DCLRE1C: variants seen among roughly 807,000 people sequenced by gnomAD.
DCLRE1C encodes protein artemis.
DCLRE1C carries 47 observed loss-of-function variants against 61.4 expected under a neutral mutation model. That is an observed-to-expected ratio of 0.77 (90% CI 0.61 to 0.98). The LOEUF is 0.98. DCLRE1C is among the 50% of genes least tolerant of loss of function. The probability of loss-of-function intolerance (pLI) is 0.00; values close to 1 mark genes in which losing one functional copy is unlikely to be tolerated. For synonymous variants in DCLRE1C, 337 were observed against 287.6 expected, an observed-to-expected ratio of 1.17 and a Z score of -1.74; for missense variants, 858 against 816.0, an observed-to-expected ratio of 1.05 and a Z score of -0.63.
Position 14,908,642 on chromosome 10 carries a change from A to T in DCLRE1C, c.1845T>A (p.Val615=), listed in dbSNP as rs962885677. 1 of 1,614,154 alleles carries T rather than the reference A, an allele frequency of 6.2e-7. No homozygotes were observed. The highest frequency in any genetic ancestry group is 2.2e-5 in the East Asian group (1 of 44,876). ...GAGTAGTTGGTTCTCCAGTACTAGG[A>T]ACTATTGTCACATCTTTATCTCTGC... ...LKSRDKDVTI[V]PSTGEPTTLS... The change falls in exon 14 of 14, where the codon GTT becomes GTA. Residue 615 remains valine, a synonymous_variant. Transcript: ENST00000378278.
rs1472378025 is a variant in DCLRE1C at position 14,907,707 on chromosome 10, C to T, written c.*701G>A. On this transcript the variant is annotated 3_prime_UTR_variant, in exon 14 of 14. Coordinates refer to ENST00000378278, the MANE Select transcript of DCLRE1C (RefSeq NM_001033855.3). ...TACATGGTTTTTCCATCCTTTTAAC[C>T]TATCAATCACTTGAATTGACTTTCT... is the stretch of plus-strand genomic sequence containing the variant. 8.5e-5 allele frequency among the ~76,000 whole-genome samples: 13 copies of T among 152,100 alleles called. No individual in the cohort carries two copies. The highest frequency in any genetic ancestry group is 2.7e-4 in the African/African-American group (11 of 41,400).
chr10:14,907,142 G>C lies in DCLRE1C; in HGVS notation c.*1266C>G, dbSNP rs1364053998. The stretch of plus-strand genomic sequence containing the variant: ...TGGGATTGCAGGCAGGAGTTACTGT[G>C]CCTGGCCACCATTTAATTCTTGAGC... On this transcript the variant is annotated 3_prime_UTR_variant, in exon 14 of 14. Coordinates refer to ENST00000378278, the MANE Select transcript of DCLRE1C (RefSeq NM_001033855.3). Among the ~76,000 whole-genome samples the C allele has an allele frequency of 6.6e-6, 1 of 151,954 alleles. No individual in the cohort carries two copies.
chr10:14,932,630 C>A (rs1839213874), intron 9 of DCLRE1C, among the ~76,000 whole-genome samples: 1 of 150,622 alleles, frequency 6.6e-6, no homozygotes, highest in Non-Finnish European at 1.5e-5. Flanking sequence ...AGTGAGACTC[C>A]ATCTCAAAAA....
rs760791470 is a variant in DCLRE1C, at chr10:14,908,830, T to C, written c.1657A>G (p.Ser553Gly). The stretch of plus-strand genomic sequence containing the variant: ...GATAACAAAACAGTATCAGATTGGC[T>C]GTCCCAGCCTTGACTTCCTTGTTCT... ...ITEQGSQGWD[S>G]QSDTVLLSSQ... Residue 553 changes from serine (S) to glycine (G), a missense_variant, in exon 14 of 14, where the codon AGC (serine) becomes GGC (glycine). By Grantham distance (56) the Ser-to-Gly change is moderately conservative. Coordinates refer to ENST00000378278, the MANE Select transcript of DCLRE1C (RefSeq NM_001033855.3). 5 of 1,614,250 alleles carry C rather than the reference T, an allele frequency of 3.1e-6. No individual in the cohort carries two copies. In the South Asian group the frequency reaches 5.5e-5, roughly 18 times the overall value.
At position 14,917,139 on chromosome 10, in the gene DCLRE1C, C is replaced by A. The variant is rs965962690; in HGVS notation, c.1156+2599G>T. ...TCTCAAGAAAAGTGCTAAAGCAATT[C>A]AGTGAATTAAGATAGTGTTTCCAAC... is the stretch of plus-strand genomic sequence containing the variant. On this transcript the variant is annotated intron_variant, in intron 13 of 13. Transcript: ENST00000378278. 6.6e-4 allele frequency among the ~76,000 whole-genome samples: 101 copies of A among 152,156 alleles called. 5 individuals carry two copies. Among genetic ancestry groups the A allele is most frequent in the South Asian group, 2.1e-4 (1 of 4,836 alleles).
intron 11 of DCLRE1C, among the ~76,000 whole-genome samples, chr10:14,924,179 TGCTCTCTCTCACTCGCGTGC>T (rs1837576050): frequency 6.6e-6 from 1 of 152,240 alleles, no homozygotes; most frequent in Non-Finnish European, 1.5e-5. Context: ...CGGGAGTGCT[TGCTCTCTCTCACTCGCGTGC>T]GCTCTCTCTC....
chr10:14,954,038 C>A lies in DCLRE1C; in HGVS notation c.-28G>T, dbSNP rs377430869. ...CGCCGCCGATCCCAGAGTCCGGGAC[C>A]CCAAAACCGCAGCTGAAGCCAAGGC... On this transcript the variant is annotated 5_prime_UTR_variant, in exon 1 of 14. Transcript: ENST00000378278. The A allele has an allele frequency of 1.2e-6, 2 of 1,613,570 alleles. No individual in the cohort carries two copies. Among genetic ancestry groups the A allele is most frequent in the Middle Eastern group, 1.6e-4 (1 of 6,062 alleles).
downstream of DCLRE1C, chr10:14,900,986 C>T: frequency 2.1e-6 from 2 of 959,804 alleles, no homozygotes; most frequent in Non-Finnish European, 1.5e-6. Flanking sequence ...TTTAAATGTG[C>T]ATGCCTCAAA....
intron 13 of DCLRE1C, among the ~76,000 whole-genome samples, chr10:14,918,397 T>C (rs1301542098): frequency 6.6e-6 from 1 of 152,212 alleles, no homozygotes; most frequent in East Asian, 1.9e-4. Context: ...TCTATTTATA[T>C]GAAATTCTAG....
chr10:14,920,484 C>G, intron 12 of DCLRE1C: 1 of 966,596 alleles, frequency 1.0e-6, no homozygotes, highest in South Asian at 4.7e-5. Flanking sequence ...AGGTGCCCAA[C>G]CTGAAACTTC....
intron 2 of DCLRE1C, among the ~76,000 whole-genome samples, chr10:14,945,804 A>C (rs190068245): frequency 2.7e-5 from 4 of 150,156 alleles, no homozygotes; most frequent in Non-Finnish European, 5.9e-5. Context: ...GATTACAAGC[A>C]CGCGCCATGA....
At chr10:14,924,200 G>A (rs184859479) in intron 11 of DCLRE1C, among the ~76,000 whole-genome samples, 62 of 152,316 alleles carry the variant, frequency 4.1e-4, no homozygotes, top group African/African-American at 8.9e-4. Context: ...ACTCGCGTGC[G>A]CTCTCTCTCA....
chr10:14,942,934 C>T (rs1310801589), intron 3 of DCLRE1C, among the ~76,000 whole-genome samples: 2 of 152,074 alleles, frequency 1.3e-5, no homozygotes, highest in African/African-American at 2.4e-5. Context: ...AGACCAGCCT[C>T]GCCAACATGG....
chr10:14,901,304 A>G (rs987296318), downstream of DCLRE1C: 9 of 1,610,890 alleles, frequency 5.6e-6, no homozygotes, highest in Non-Finnish European at 7.6e-6. Context: ...CAGTTTCAAT[A>G]TGAAGAATCA....
chr10:14,917,432 T>G (rs1006883346), intron 13 of DCLRE1C, among the ~76,000 whole-genome samples: 2 of 151,004 alleles, frequency 1.3e-5, no homozygotes, highest in Admixed American at 1.3e-4. Context: ...GCTAAAAAGA[T>G]TGAAAAGATT....
chr10:14,949,631 AGAC>A (rs1414858778), intron 1 of DCLRE1C, among the ~76,000 whole-genome samples: 4 of 152,268 alleles, frequency 2.6e-5, no homozygotes, highest in African/African-American at 9.6e-5. Flanking sequence ...TAACAGACAC[AGAC>A]AACAGAAAGG....
At chr10:14,951,839 G>T (rs1233562702) in intron 1 of DCLRE1C, among the ~76,000 whole-genome samples, 1 of 152,168 alleles carries the variant, frequency 6.6e-6, no homozygotes, top group East Asian at 1.9e-4. Flanking sequence ...CCCAAATACA[G>T]TCGCTTTGGG....
chr10:14,924,281 A>G (rs926771945), intron 11 of DCLRE1C, among the ~76,000 whole-genome samples: 1 of 152,240 alleles, frequency 6.6e-6, no homozygotes. Context: ...GCCTCTCCCA[A>G]TGATTAATTC....
chr10:14,900,657 T>G (rs1440889850), downstream of DCLRE1C, among the ~76,000 whole-genome samples: 1 of 152,208 alleles, frequency 6.6e-6, no homozygotes, highest in Non-Finnish European at 1.5e-5. Flanking sequence ...CTCAAAACAT[T>G]GAAGAGTTTG....
Sources: allele counts gnomAD v4.1 joint callset (sites outside exome capture counted in the v4.1 genomes callset), GRCh38; gene constraint gnomAD v4.1.1; transcripts MANE v1.5; gene names NCBI Gene and HGNC (gene_info 2026-07-23, HGNC 2026-07-21).